Variants in TNR observed in about 807,000 individuals in gnomAD.
TNR encodes tenascin R.
In TNR, 45 loss-of-function variants were observed where a neutral mutation model predicts 150.4. The ratio of observed to expected loss-of-function variants is 0.30; its 90% CI spans 0.24 to 0.38. The LOEUF (loss-of-function observed/expected upper bound fraction) is 0.38, where lower values mean the gene tolerates loss of function less well. TNR is among the 10% of genes least tolerant of loss of function. The pLI, the probability that TNR is intolerant of heterozygous loss-of-function variation, is 1.00. For missense variants in TNR, 1,544 were observed against 1,759.1 expected, an observed-to-expected ratio of 0.88 and a Z score of 2.19; for synonymous variants, 687 against 678.4, an observed-to-expected ratio of 1.01 and a Z score of -0.20.
intron 1 of TNR, among the ~76,000 whole-genome samples, chr1:175,641,196 A>C (rs1255432627): frequency 6.6e-6 from 1 of 152,246 alleles, no homozygotes; most frequent in Non-Finnish European, 1.5e-5. Flanking sequence ...GTTAATACAT[A>C]AAATTTATAC....
rs140188366 is a variant in TNR, at chr1:175,655,602, C to T, written c.-165+87624G>A. 2.6e-5 allele frequency among the ~76,000 whole-genome samples: 4 copies of T among 152,310 alleles called. No homozygotes were observed. In the East Asian group the frequency reaches 5.8e-4, roughly 22 times the overall value. Reference sequence around the variant, plus strand: ...GAGTCCTGGTGGTCACAGTTCCTCTCGTGCAAAAGCACCTTGAAGACTGTG... The same window carrying T: ...GAGTCCTGGTGGTCACAGTTCCTCTTGTGCAAAAGCACCTTGAAGACTGTG... On this transcript the variant is annotated intron_variant, in intron 1 of 22. Transcript: ENST00000367674.
At chr1:175,650,206 A>G (rs547428344) in intron 1 of TNR, among the ~76,000 whole-genome samples, 1 of 151,942 alleles carries the variant, frequency 6.6e-6, no homozygotes, top group South Asian at 2.1e-4. Context: ...ACATGGTGAA[A>G]CTCCCATCTC....
At chr1:175,454,819 T>C (rs1656494124) in intron 2 of TNR, among the ~76,000 whole-genome samples, 1 of 152,174 alleles carries the variant, frequency 6.6e-6, no homozygotes, top group Non-Finnish European at 1.5e-5. Flanking sequence ...TATCTTACAC[T>C]CTCTGAGGCT....
chr1:175,525,329 T>G, intron 2 of TNR, among the ~76,000 whole-genome samples: 1 of 152,130 alleles, frequency 6.6e-6, no homozygotes, highest in African/African-American at 2.4e-5. Context: ...TTTACAGAAG[T>G]GTGAGAACAG....
chr1:175,478,666 T>C (rs1361288916), intron 2 of TNR, among the ~76,000 whole-genome samples: 1 of 151,918 alleles, frequency 6.6e-6, no homozygotes, highest in African/African-American at 2.4e-5. Context: ...AGGGCGATGC[T>C]GTACGAAAGG....
At chr1:175,384,713 C>T (rs1191672265) in intron 8 of TNR, among the ~76,000 whole-genome samples, 1 of 152,182 alleles carries the variant, frequency 6.6e-6, no homozygotes, top group African/African-American at 2.4e-5. Context: ...GGTTCAGGCA[C>T]CTACTTGTTC....
At chr1:175,704,816 C>G (rs1405479418) in intron 1 of TNR, among the ~76,000 whole-genome samples, 3 of 152,208 alleles carry the variant, frequency 2.0e-5, no homozygotes, top group Non-Finnish European at 4.4e-5. Context: ...TGTTTACATG[C>G]AAACCTGTCA....
intron 2 of TNR, among the ~76,000 whole-genome samples, chr1:175,417,691 G>A (rs1654562106): frequency 6.6e-6 from 1 of 151,802 alleles, no homozygotes; most frequent in Admixed American, 6.6e-5. Context: ...ACAAATCTTA[G>A]GAATAGTCAC....
chr1:175,706,505 G>A (rs74129315), intron 1 of TNR, among the ~76,000 whole-genome samples: 1 of 152,012 alleles, frequency 6.6e-6, no homozygotes. Context: ...ATCTGGCCAC[G>A]TCCACCCACT....
chr1:175,393,443 C>G (rs1349516919), intron 6 of TNR, among the ~76,000 whole-genome samples: 2 of 152,148 alleles, frequency 1.3e-5, no homozygotes, highest in African/African-American at 4.8e-5. Context: ...AGAGAAGCCT[C>G]AATTTTTTCA....
intron 1 of TNR, among the ~76,000 whole-genome samples, chr1:175,705,280 A>T (rs2101930426): frequency 6.6e-6 from 1 of 152,346 alleles, no homozygotes; most frequent in South Asian, 2.1e-4. Flanking sequence ...AGCCACTGTA[A>T]ACCCCAAATT....
chr1:175,664,794 C>T lies in TNR; in HGVS notation c.-165+78432G>A, dbSNP rs531386763. On this transcript the variant is annotated intron_variant, in intron 1 of 22. Transcript: ENST00000367674. ...ACTTGGTAAATGTGATCAGCACAGA[C>T]TGACAAAAATCAAAGGCAGAAGAGG... Among the ~76,000 whole-genome samples, 25 of 152,316 alleles carry T rather than the reference C, an allele frequency of 1.6e-4. No homozygotes were observed. In the South Asian group the frequency reaches 5.2e-3, roughly 32 times the overall value.
chr1:175,683,458 T>A (rs1457183327), intron 1 of TNR, among the ~76,000 whole-genome samples: 1 of 152,166 alleles, frequency 6.6e-6, no homozygotes, highest in Non-Finnish European at 1.5e-5. Flanking sequence ...TCCACCACCA[T>A]CCTTCTCCAA....
chr1:175,542,267 T>G lies in TNR; in HGVS notation c.-164-13898A>C, dbSNP rs189456834. ...CCTCAAAAATACTATACCCCTCCTCTCTGGTATTTTATTTGTAAGTGTAAG... is the reference window on the plus strand; with the variant it reads ...CCTCAAAAATACTATACCCCTCCTCGCTGGTATTTTATTTGTAAGTGTAAG... On this transcript the variant is annotated intron_variant, in intron 1 of 22. Coordinates refer to ENST00000367674, the MANE Select transcript of TNR (RefSeq NM_003285.3). Among the ~76,000 whole-genome samples the G allele has an allele frequency of 2.0e-5, 3 of 152,296 alleles. No individual in the cohort carries two copies. In the East Asian group the frequency reaches 5.8e-4, roughly 29 times the overall value.
intron 1 of TNR, among the ~76,000 whole-genome samples, chr1:175,635,024 A>G (rs1310931757): frequency 6.6e-6 from 1 of 152,184 alleles, no homozygotes; most frequent in Non-Finnish European, 1.5e-5. Flanking sequence ...GTGGGGTGCT[A>G]CAGAGGCTGG....
At chr1:175,434,066 G>C (rs1314707759) in intron 2 of TNR, among the ~76,000 whole-genome samples, 2 of 152,184 alleles carry the variant, frequency 1.3e-5, no homozygotes, top group East Asian at 3.9e-4. Flanking sequence ...TTCTTGCAAA[G>C]TGTCTCAGTG....
At chr1:175,474,302 G>A (rs749242424) in intron 2 of TNR, among the ~76,000 whole-genome samples, 3 of 152,156 alleles carry the variant, frequency 2.0e-5, no homozygotes, top group Admixed American at 2.0e-4. Flanking sequence ...GAGGCCATTA[G>A]GGTGGGCCCT....
At chr1:175,723,820 A>G (rs537628798) in intron 1 of TNR, among the ~76,000 whole-genome samples, 2 of 152,310 alleles carry the variant, frequency 1.3e-5, no homozygotes, top group South Asian at 4.1e-4. Context: ...TCAGTGAGCC[A>G]AGATCACACC....
rs1180308788 is a variant in TNR, at chr1:175,531,600, A to T, written c.-164-3231T>A. ...CACCCCAAGAGACATACACAAAAGTAAAGAGCATGCTGACCTGACTCTCCA... is the reference window on the plus strand; with the variant it reads ...CACCCCAAGAGACATACACAAAAGTTAAGAGCATGCTGACCTGACTCTCCA... On this transcript the variant is annotated intron_variant, in intron 1 of 22. Coordinates refer to ENST00000367674, the MANE Select transcript of TNR (RefSeq NM_003285.3). Among the ~76,000 whole-genome samples the T allele has an allele frequency of 2.0e-5, 3 of 152,186 alleles. No homozygotes were observed. The East Asian group carries it at 5.8e-4, about 29-fold the overall frequency.
Sources: allele counts gnomAD v4.1 joint callset (sites outside exome capture counted in the v4.1 genomes callset), GRCh38; gene constraint gnomAD v4.1.1; transcripts MANE v1.5; gene names NCBI Gene and HGNC (gene_info 2026-07-23, HGNC 2026-07-21).